ADK: variants seen among roughly 807,000 people sequenced by gnomAD.
The protein encoded by ADK is adenosine kinase, also known as N6,N6-dimethyladenosine kinase.
Under a neutral mutation model 44.7 loss-of-function variants are expected in ADK, and 24 were observed. The observed-to-expected ratio is 0.54, with a 90% CI of 0.39 to 0.76. The LOEUF (loss-of-function observed/expected upper bound fraction) is 0.76, where lower values mean the gene tolerates loss of function less well. Among genes scored for constraint, ADK ranks in the 30% least tolerant of loss-of-function variants. ADK has a pLI of 0.00. For synonymous variants in ADK, 128 were observed against 142.6 expected, an observed-to-expected ratio of 0.90 and a Z score of 0.73; for missense variants, 321 against 425.1, an observed-to-expected ratio of 0.76 and a Z score of 2.15.
At chr10:74,211,074 G>C (rs992365321) in intron 2 of ADK, among the ~76,000 whole-genome samples, 4 of 151,992 alleles carry the variant, frequency 2.6e-5, no homozygotes, top group African/African-American at 9.7e-5. Context: ...TAATACAGAC[G>C]GGGTTTCACC....
At chr10:74,435,129 A>G (rs1845138036) in intron 6 of ADK, among the ~76,000 whole-genome samples, 1 of 152,150 alleles carries the variant, frequency 6.6e-6, no homozygotes, top group Non-Finnish European at 1.5e-5. Flanking sequence ...TAAAGATATA[A>G]GAGATTTGAG....
chr10:74,471,222 C>T (rs1846577032), intron 6 of ADK, among the ~76,000 whole-genome samples: 1 of 151,966 alleles, frequency 6.6e-6, no homozygotes, highest in African/African-American at 2.4e-5. Flanking sequence ...CTACAAGCAC[C>T]TGCCACCACG....
chr10:74,262,315 A>C (rs1415279777), intron 3 of ADK, among the ~76,000 whole-genome samples: 2 of 20,164 alleles, frequency 9.9e-5, no homozygotes, highest in East Asian at 1.0e-3. Flanking sequence ...CTTCATCTCA[A>C]AAAAAAAAAA....
At chr10:74,480,403 T>C (rs1372658647) in intron 6 of ADK, among the ~76,000 whole-genome samples, 8 of 151,730 alleles carry the variant, frequency 5.3e-5, no homozygotes, top group Middle Eastern at 3.2e-3. Flanking sequence ...TAATTTGTTG[T>C]TTTTTGTTGT....
At chr10:74,622,104 C>A (rs1247800652) in intron 9 of ADK, among the ~76,000 whole-genome samples, 1 of 152,164 alleles carries the variant, frequency 6.6e-6, no homozygotes, top group Non-Finnish European at 1.5e-5. Context: ...TATTTCCTCT[C>A]CTGAGTTTCA....
intron 6 of ADK, among the ~76,000 whole-genome samples, chr10:74,410,353 T>C (rs1388589450): frequency 6.6e-6 from 1 of 152,102 alleles, no homozygotes; most frequent in African/African-American, 2.4e-5. Flanking sequence ...CTAATGGAAA[T>C]TGAAGTAATT....
intron 1 of ADK, among the ~76,000 whole-genome samples, chr10:74,197,277 T>C (rs905812955): frequency 2.6e-5 from 4 of 152,170 alleles, no homozygotes; most frequent in Non-Finnish European, 5.9e-5. Flanking sequence ...TTCCAGTTTA[T>C]TATAAGAATG....
chr10:74,229,217 G>C (rs1379788189), intron 3 of ADK, among the ~76,000 whole-genome samples: 1 of 152,062 alleles, frequency 6.6e-6, no homozygotes, highest in African/African-American at 2.4e-5. Flanking sequence ...TTATGCAATA[G>C]GCATGAACCT....
chr10:74,702,440 C>T (rs557526974), intron 10 of ADK, among the ~76,000 whole-genome samples: 15 of 151,974 alleles, frequency 9.9e-5, no homozygotes, highest in Middle Eastern at 3.4e-3. Context: ...CCTCGGCCTC[C>T]CAAAGTGCTG....
chr10:74,677,965 CAAAAAAAAAAAA>C (rs3037448), intron 10 of ADK, among the ~76,000 whole-genome samples: 10 of 43,076 alleles, frequency 2.3e-4, no homozygotes, highest in South Asian at 1.4e-3. Flanking sequence ...CCAGTCTCTA[CAAAAAAAAAAAA>C]AAAAAAAAAA....
At chr10:74,621,509 C>T (rs1274851062) in intron 9 of ADK, among the ~76,000 whole-genome samples, 1 of 151,900 alleles carries the variant, frequency 6.6e-6, no homozygotes, top group Admixed American at 6.6e-5. Context: ...AGTATGATAC[C>T]TCCAGCTTTG....
At chr10:74,423,818 C>T (rs1278395476) in intron 6 of ADK, 2 of 303,656 alleles carry the variant, frequency 6.6e-6, no homozygotes, top group South Asian at 6.8e-5. Flanking sequence ...CCAGCGCTGC[C>T]CCAGATCTCA....
chr10:74,198,583 A>G (rs1243219690), intron 1 of ADK, among the ~76,000 whole-genome samples: 3 of 152,348 alleles, frequency 2.0e-5, no homozygotes, highest in East Asian at 1.9e-4. Context: ...GGGAGGGGGA[A>G]TCATCAGTAA....
rs560461530 is a variant in ADK, at chr10:74,536,686, C to A, written c.726+11260C>A. Among the ~76,000 whole-genome samples the A allele has an allele frequency of 2.6e-5, 4 of 151,916 alleles. 1 individual carries two copies. The South Asian group carries it at 8.3e-4, about 32-fold the overall frequency. The stretch of plus-strand genomic sequence containing the variant: ...TTTCCTGTTTCCTCCTTCCTCCTCA[C>A]CCTTGGTAACTGTTTTACTGTCTAT... On this transcript the variant is annotated intron_variant, in intron 7 of 10. Coordinates refer to ENST00000539909, the MANE Select transcript of ADK (RefSeq NM_006721.4).
intron 6 of ADK, among the ~76,000 whole-genome samples, chr10:74,451,648 A>G (rs1271655124): frequency 6.6e-6 from 1 of 152,156 alleles, no homozygotes; most frequent in Non-Finnish European, 1.5e-5. Flanking sequence ...GAAAGCATAT[A>G]TGTAGCTAAG....
chr10:74,517,599 G>A (rs1479330298), intron 6 of ADK, among the ~76,000 whole-genome samples: 2 of 151,716 alleles, frequency 1.3e-5, no homozygotes, highest in Non-Finnish European at 2.9e-5. Context: ...AGAGGTGGGA[G>A]GATCACCTGA....
intron 3 of ADK, among the ~76,000 whole-genome samples, chr10:74,275,777 G>A (rs1243701745): frequency 6.6e-6 from 1 of 152,032 alleles, no homozygotes; most frequent in South Asian, 2.1e-4. Context: ...TCCAGCCTCA[G>A]CCTCCAGTGC....
At chr10:74,466,243 T>A (rs936509653) in intron 6 of ADK, among the ~76,000 whole-genome samples, 3 of 152,178 alleles carry the variant, frequency 2.0e-5, no homozygotes, top group African/African-American at 7.2e-5. Context: ...ACAGCTGAGC[T>A]CTTCAAACTT....
intron 3 of ADK, among the ~76,000 whole-genome samples, chr10:74,272,481 C>T (rs1279359077): frequency 6.6e-6 from 1 of 152,200 alleles, no homozygotes; most frequent in East Asian, 1.9e-4. Flanking sequence ...CACTATGTTG[C>T]CCAGGCTGGT....
Sources: allele counts gnomAD v4.1 joint callset (sites outside exome capture counted in the v4.1 genomes callset), GRCh38; gene constraint gnomAD v4.1.1; transcripts MANE v1.5; gene names NCBI Gene and HGNC (gene_info 2026-07-23, HGNC 2026-07-21).